Variants in POLR3B observed in about 807,000 individuals in gnomAD.
POLR3B encodes RNA polymerase III subunit B.
POLR3B carries 96 observed loss-of-function variants against 147.4 expected under a neutral mutation model. The observed-to-expected ratio is 0.65, with a 90% CI of 0.55 to 0.77. POLR3B has a LOEUF of 0.77. Ranked by LOEUF, POLR3B falls within the 30% of genes least tolerant of loss-of-function variation. POLR3B has a pLI of 0.00. For missense variants in POLR3B, 1,036 were observed against 1,413.5 expected, an observed-to-expected ratio of 0.73 and a Z score of 4.28; for synonymous variants, 461 against 485.9, an observed-to-expected ratio of 0.95 and a Z score of 0.67.
intron 6 of POLR3B, among the ~76,000 whole-genome samples, chr12:106,370,866 A>G (rs1433217321): frequency 6.6e-6 from 1 of 152,132 alleles, no homozygotes; most frequent in Non-Finnish European, 1.5e-5. Flanking sequence ...TCCTGACCTC[A>G]GGTGATCCGC....
At chr12:106,397,832 A>T (rs550732274) in intron 10 of POLR3B, among the ~76,000 whole-genome samples, 1 of 152,330 alleles carries the variant, frequency 6.6e-6, no homozygotes, top group East Asian at 1.9e-4. Flanking sequence ...TTCATTTCTC[A>T]TGAATGTGTA....
At chr12:106,377,859 C>T (rs933486558) in intron 7 of POLR3B, among the ~76,000 whole-genome samples, 1 of 152,138 alleles carries the variant, frequency 6.6e-6, no homozygotes, top group Non-Finnish European at 1.5e-5. Flanking sequence ...CACTGAGAGG[C>T]TGAGGCGGGA....
chr12:106,461,111 T>C (rs1400229760), intron 22 of POLR3B, among the ~76,000 whole-genome samples: 1 of 152,076 alleles, frequency 6.6e-6, no homozygotes, highest in Admixed American at 6.6e-5. Context: ...TTTTTTTTTA[T>C]TGAGATGGAG....
chr12:106,496,606 A>G, intron 24 of POLR3B, 146 bp from the exon 25 acceptor site: 2 of 726,412 alleles, frequency 2.8e-6, no homozygotes, highest in Admixed American at 4.2e-5. Flanking sequence ...GTAAAATTAG[A>G]TCACACATGT....
At chr12:106,494,843 A>C (rs2038455148) in intron 23 of POLR3B, among the ~76,000 whole-genome samples, 1 of 152,180 alleles carries the variant, frequency 6.6e-6, no homozygotes, top group Non-Finnish European at 1.5e-5. Context: ...TCAACTCCAC[A>C]ATATCCATAT....
intron 22 of POLR3B, among the ~76,000 whole-genome samples, chr12:106,462,350 C>T (rs552685763): frequency 2.0e-4 from 31 of 152,274 alleles, no homozygotes; most frequent in African/African-American, 7.2e-4. Context: ...TGGATTCAAG[C>T]GATTCTCTTG....
At chr12:106,473,954 G>A (rs2038127008) in intron 23 of POLR3B, among the ~76,000 whole-genome samples, 1 of 150,302 alleles carries the variant, frequency 6.7e-6, no homozygotes, top group African/African-American at 2.4e-5. Context: ...GTTTTCAAAG[G>A]GAATGCTTCC....
At chr12:106,413,589 A>C (rs914780209) in intron 12 of POLR3B, among the ~76,000 whole-genome samples, 1 of 151,516 alleles carries the variant, frequency 6.6e-6, no homozygotes, top group Non-Finnish European at 1.5e-5. Context: ...TACTTTTAAG[A>C]TATTCTTTTG....
chr12:106,460,454 T>C (rs2037918546), intron 22 of POLR3B, among the ~76,000 whole-genome samples: 1 of 152,200 alleles, frequency 6.6e-6, no homozygotes, highest in African/African-American at 2.4e-5. Flanking sequence ...CACCAGGATT[T>C]GAAGTCATGC....
intron 17 of POLR3B, 41 bp downstream of exon 17, chr12:106,437,172 C>A (rs1469966414): frequency 5.7e-6 from 7 of 1,221,466 alleles, no homozygotes; most frequent in Non-Finnish European, 8.5e-6. Context: ...TCCTTAATAC[C>A]CACATACATG....
At position 106,459,111 on chromosome 12, in the gene POLR3B, C is replaced by T. The variant is rs909967643; in HGVS notation, c.2453-140C>T. On this transcript the variant is annotated intron_variant, in intron 21 of 27. Coordinates refer to ENST00000228347, the MANE Select transcript of POLR3B (RefSeq NM_018082.6). Reference sequence around the variant, plus strand: ...GCATGACCATAGCTCACTGCAGCCTCAACCTAGGTTCAAGCAGTCCTCCTA... The same window carrying T: ...GCATGACCATAGCTCACTGCAGCCTTAACCTAGGTTCAAGCAGTCCTCCTA... The T allele has an allele frequency of 4.4e-6, 3 of 676,974 alleles. No individual in the cohort carries two copies. The African/African-American group carries it at 5.3e-5, about 12-fold the overall frequency. 41.9% of individuals were successfully genotyped at this position (676,974 alleles called of 1,614,324 possible).
intron 23 of POLR3B, among the ~76,000 whole-genome samples, chr12:106,482,488 G>A (rs1012451862): frequency 1.3e-5 from 2 of 151,920 alleles, no homozygotes; most frequent in African/African-American, 4.8e-5. Context: ...CATCTTACAC[G>A]GCCAGAGCAG....
intron 23 of POLR3B, among the ~76,000 whole-genome samples, chr12:106,486,981 G>A (rs2038349992): frequency 6.6e-6 from 1 of 152,228 alleles, no homozygotes; most frequent in Non-Finnish European, 1.5e-5. Flanking sequence ...TTTGGCCACA[G>A]TGTTTACAGT....
chr12:106,421,967 T>G (rs1386081463), intron 12 of POLR3B, among the ~76,000 whole-genome samples: 1 of 152,222 alleles, frequency 6.6e-6, no homozygotes, highest in Non-Finnish European at 1.5e-5. Context: ...CCCAAAGTGC[T>G]AGGATTACAG....
intron 22 of POLR3B, among the ~76,000 whole-genome samples, chr12:106,461,358 G>T (rs1399892023): frequency 6.6e-6 from 1 of 152,144 alleles, no homozygotes; most frequent in Non-Finnish European, 1.5e-5. Context: ...CTCCCAAAGT[G>T]CTGGGAGTCA....
intron 19 of POLR3B, 146 bp from the exon 20 acceptor site, chr12:106,454,356 A>T: frequency 1.6e-6 from 1 of 632,174 alleles, no homozygotes. Flanking sequence ...TTAAGCCACC[A>T]TGAGAGTATT....
Position 106,369,572 on chromosome 12 carries a change from T to C in POLR3B, c.304-11T>C. ...GGAGCAGTAACTGTCAGATTCCTGA[T>C]TCTCTTTCAGTGCCGTTTGAGAGAC... On this transcript the variant is annotated splice_polypyrimidine_tract_variant and intron_variant, in intron 5 of 27. Coordinates refer to ENST00000228347, the MANE Select transcript of POLR3B (RefSeq NM_018082.6). 1 of 1,568,766 alleles carries C rather than the reference T, an allele frequency of 6.4e-7. No individual in the cohort carries two copies.
At chr12:106,374,332 T>A (rs1306404999) in intron 6 of POLR3B, among the ~76,000 whole-genome samples, 1 of 151,904 alleles carries the variant, frequency 6.6e-6, no homozygotes, top group Non-Finnish European at 1.5e-5. Flanking sequence ...TCCTCCCACC[T>A]CCAGCCTCCC....
chr12:106,377,158 T>C (rs2036692967), intron 7 of POLR3B, among the ~76,000 whole-genome samples: 1 of 152,238 alleles, frequency 6.6e-6, no homozygotes, highest in African/African-American at 2.4e-5. Context: ...ATGAAAGTAT[T>C]TTTTTGTTTA....
Sources: gnomAD v4.1 joint callset for allele counts (sites outside exome capture counted in the v4.1 genomes callset) on GRCh38, gnomAD v4.1.1 for gene constraint, MANE v1.5 for transcripts, NCBI Gene and HGNC (gene_info 2026-07-23, HGNC 2026-07-21) for gene names.